Variants in NTM observed in about 807,000 individuals in gnomAD.
NTM encodes the protein IgLON family member 2.
NTM carries 13 observed loss-of-function variants against 42.1 expected under a neutral mutation model. The observed-to-expected ratio is 0.31, with a 90% CI of 0.20 to 0.49. NTM has a LOEUF of 0.49. Among genes scored for constraint, NTM ranks in the 20% least tolerant of loss-of-function variants. The probability of loss-of-function intolerance (pLI) is 0.99; values close to 1 mark genes in which losing one functional copy is unlikely to be tolerated. For synonymous variants in NTM, 187 were observed against 179.2 expected, an observed-to-expected ratio of 1.04 and a Z score of -0.35; for missense variants, 373 against 452.8, an observed-to-expected ratio of 0.82 and a Z score of 1.60.
At chr11:131,431,775 A>T (rs1948671409) in intron 1 of NTM, among the ~76,000 whole-genome samples, 1 of 152,120 alleles carries the variant, frequency 6.6e-6, no homozygotes, top group Admixed American at 6.5e-5. Context: ...CCTGGAGCCA[A>T]GCGTGCATCT....
intron 2 of NTM, among the ~76,000 whole-genome samples, chr11:132,030,943 T>G (rs1046806730): frequency 3.3e-5 from 5 of 152,172 alleles, no homozygotes; most frequent in Non-Finnish European, 7.4e-5. Flanking sequence ...GGGCTCAGGC[T>G]TCTTCCACAT....
chr11:132,148,425 C>T (rs945557007), intron 3 of NTM, among the ~76,000 whole-genome samples: 8 of 152,120 alleles, frequency 5.3e-5, no homozygotes, highest in Admixed American at 3.3e-4. Context: ...GGTTTGGAAG[C>T]TATTGCTCAG....
chr11:132,030,914 G>A (rs1203506556), intron 2 of NTM, among the ~76,000 whole-genome samples: 3 of 152,158 alleles, frequency 2.0e-5, no homozygotes, highest in Non-Finnish European at 4.4e-5. Context: ...TTCGCTGGGA[G>A]GACTATAGAC....
intron 1 of NTM, among the ~76,000 whole-genome samples, chr11:131,680,604 C>T (rs1185501574): frequency 1.7e-3 from 13 of 7,504 alleles, no homozygotes; most frequent in African/African-American, 3.1e-3. Flanking sequence ...TGAGATCATG[C>T]CTGTGTCTGT....
chr11:131,460,937 A>G (rs1274090559), intron 1 of NTM, among the ~76,000 whole-genome samples: 1 of 152,238 alleles, frequency 6.6e-6, no homozygotes, highest in Non-Finnish European at 1.5e-5. Flanking sequence ...TATTGATAGA[A>G]AGTTGAACAA....
chr11:132,247,053 C>T (rs2091280746), intron 4 of NTM, among the ~76,000 whole-genome samples: 1 of 152,238 alleles, frequency 6.6e-6, no homozygotes, highest in Admixed American at 6.5e-5. Flanking sequence ...CTTCCAGAGG[C>T]AGCAGACAGG....
At chr11:131,550,405 C>T (rs1433355816) in intron 1 of NTM, among the ~76,000 whole-genome samples, 1 of 152,188 alleles carries the variant, frequency 6.6e-6, no homozygotes, top group Non-Finnish European at 1.5e-5. Context: ...GAAGTGGGGT[C>T]TGCTGAAAGG....
intron 2 of NTM, among the ~76,000 whole-genome samples, chr11:132,097,964 A>G (rs926390604): frequency 2.0e-5 from 3 of 152,220 alleles, no homozygotes; most frequent in African/African-American, 7.2e-5. Flanking sequence ...AAAATATTCT[A>G]CCAGTTCTGC....
At chr11:131,535,077 C>T (rs382319) in intron 1 of NTM, 104,021 of 152,026 alleles carry the variant, frequency 0.68, 38,397 homozygotes, top group Non-Finnish European at 0.83. Flanking sequence ...GGAAGGTAGA[C>T]GAAGGAGGCT....
chr11:131,953,294 C>T (rs75167665), intron 2 of NTM, among the ~76,000 whole-genome samples: 6 of 152,134 alleles, frequency 3.9e-5, no homozygotes, highest in South Asian at 2.1e-4. Flanking sequence ...GATAGTTTCA[C>T]GATATATCTT....
chr11:131,611,322 A>G lies in NTM; in HGVS notation c.82+240434A>G, dbSNP rs756250485. Among the ~76,000 whole-genome samples the G allele has an allele frequency of 5.3e-5, 8 of 152,360 alleles. No individual in the cohort carries two copies. The South Asian group carries it at 6.2e-4, about 12-fold the overall frequency. ...TAGGATAGGAAGGTAGAGAAACTCA[A>G]TTAGAACTTGAGCTTCAAATAACAC... On this transcript the variant is annotated intron_variant, in intron 1 of 8. Transcript: ENST00000683400.
chr11:132,228,980 G>A lies in NTM; in HGVS notation c.526+16833G>A, dbSNP rs574586404. On this transcript the variant is annotated intron_variant, in intron 4 of 8. Transcript: ENST00000683400. Reference sequence around the variant, plus strand: ...GCCTGGATTCTTAGGCTAGGCATGAGTCATCTGTGCCTGAAAATGAAGGTG... The same window carrying A: ...GCCTGGATTCTTAGGCTAGGCATGAATCATCTGTGCCTGAAAATGAAGGTG... Among the ~76,000 whole-genome samples, 5 of 152,278 alleles carry A rather than the reference G, an allele frequency of 3.3e-5. No homozygotes were observed. In the South Asian group the frequency reaches 1.0e-3, roughly 32 times the overall value.
chr11:132,273,099 T>G (rs140055522), intron 4 of NTM, among the ~76,000 whole-genome samples: 1 of 152,194 alleles, frequency 6.6e-6, no homozygotes, highest in Non-Finnish European at 1.5e-5. Flanking sequence ...TGTTGTGTGT[T>G]TTTTTTATCA....
At chr11:132,100,817 TAATGA>T (rs1737329536) in intron 2 of NTM, among the ~76,000 whole-genome samples, 1 of 152,220 alleles carries the variant, frequency 6.6e-6, no homozygotes, top group South Asian at 2.1e-4. Context: ...AGCTGTGATT[TAATGA>T]CGAGTATCAC....
chr11:131,630,940 T>C (rs1002965512), intron 1 of NTM, among the ~76,000 whole-genome samples: 5 of 152,228 alleles, frequency 3.3e-5, no homozygotes, highest in African/African-American at 1.2e-4. Context: ...ACTAAAACTG[T>C]GCTTTCAAAA....
intron 2 of NTM, among the ~76,000 whole-genome samples, chr11:132,050,504 T>C (rs2078702450): frequency 6.6e-6 from 1 of 152,188 alleles, no homozygotes; most frequent in South Asian, 2.1e-4. Flanking sequence ...AGAGAGAAAC[T>C]GCCCCTGCCT....
chr11:132,248,751 T>A (rs1250123295), intron 4 of NTM, among the ~76,000 whole-genome samples: 1 of 152,228 alleles, frequency 6.6e-6, no homozygotes, highest in Non-Finnish European at 1.5e-5. Context: ...TGCCCATTGA[T>A]GCCAGGAGGG....
intron 2 of NTM, among the ~76,000 whole-genome samples, chr11:132,083,957 GA>G (rs531486876): frequency 9.0e-4 from 132 of 146,554 alleles, no homozygotes; most frequent in African/African-American, 2.8e-3. Context: ...CCTTGACTCA[GA>G]AAAAAAAAAT....
intron 4 of NTM, among the ~76,000 whole-genome samples, chr11:132,301,294 G>A (rs1194944397): frequency 1.3e-5 from 2 of 152,116 alleles, no homozygotes; most frequent in African/African-American, 2.4e-5. Context: ...ACGGGATGGG[G>A]GAAACCACTC....
Sources: allele counts gnomAD v4.1 joint callset (sites outside exome capture counted in the v4.1 genomes callset), GRCh38; gene constraint gnomAD v4.1.1; transcripts MANE v1.5; gene names NCBI Gene and HGNC (gene_info 2026-07-23, HGNC 2026-07-21).